Variants in ITPR1 observed in about 807,000 individuals in gnomAD.
The protein encoded by ITPR1 is inositol 1,4,5-trisphosphate receptor type 1, also known as inositol 1,4,5-trisphosphate-gated calcium channel ITPR1.
In ITPR1, 96 loss-of-function variants were observed where a neutral mutation model predicts 318.4. The ratio of observed to expected loss-of-function variants is 0.30; its 90% CI spans 0.26 to 0.36. The LOEUF (loss-of-function observed/expected upper bound fraction) is 0.36, where lower values mean the gene tolerates loss of function less well. ITPR1 is among the 10% of genes least tolerant of loss of function. The pLI is 1.00. For missense variants in ITPR1, 2,440 were observed against 3,460.2 expected, an observed-to-expected ratio of 0.71 and a Z score of 7.40; for synonymous variants, 1,312 against 1,289.9, an observed-to-expected ratio of 1.02 and a Z score of -0.37.
Position 4,693,574 on chromosome 3 carries a change from C to A in ITPR1, c.4114C>A (p.Arg1372=). 6.2e-7 allele frequency: 1 copy of A among 1,613,992 alleles called. No homozygotes were observed. Among genetic ancestry groups the A allele is most frequent in the Non-Finnish European group, 8.5e-7 (1 of 1,179,880 alleles). ...TCTGATCCAGATGATGCGGTCAGAA[C>A]GGGATCGGATGGATGAGAACAGCCC... ...QTLIQMMRSE[R]DRMDENSPLM... is the part of the protein sequence containing the mutation. The change falls in exon 33 of 62, where the codon CGG becomes AGG. Residue 1372 remains arginine, a synonymous_variant. Coordinates refer to ENST00000649015, the MANE Select transcript of ITPR1 (RefSeq NM_001378452.1).
chr3:4,638,944 T>C (rs1375517920), intron 5 of ITPR1, among the ~76,000 whole-genome samples: 1 of 152,114 alleles, frequency 6.6e-6, no homozygotes, highest in Non-Finnish European at 1.5e-5. Flanking sequence ...CTCACTGATA[T>C]TAAATAACAC....
rs1321637473 is a variant in ITPR1, at chr3:4,836,900, A to C, written c.8155A>C (p.Asn2719His). The C allele has an allele frequency of 1.3e-6, 2 of 1,597,572 alleles. No homozygotes were observed. The highest frequency in any genetic ancestry group is 2.2e-5 in the South Asian group (2 of 89,370). ...GGAGTCCACCATGAAACTTGTCACG[A>C]ACCTTTCTGGCCAGCTGTCGGAATT... Reference protein sequence around the residue: ...KLESTMKLVTNLSGQLSELKD... With the variant: ...KLESTMKLVTHLSGQLSELKD... The change falls in exon 61 of 62, where the codon AAC (asparagine) becomes CAC (histidine). Residue 2719 changes from asparagine to histidine, a missense_variant. Physicochemically the swap from Asn to His is moderately conservative, Grantham distance 68. This residue lies in a region of ITPR1 where 63 missense variants were observed against 63.4 expected (regional missense o/e 0.99). Transcript: ENST00000649015.
intron 44 of ITPR1, among the ~76,000 whole-genome samples, chr3:4,766,243 A>C (rs112026814): frequency 3.3e-5 from 5 of 152,204 alleles, no homozygotes; most frequent in African/African-American, 1.2e-4. Context: ...GTGGAAGGGA[A>C]TTGTTCTTAG....
chr3:4,753,287 T>C (rs61455902), intron 44 of ITPR1, among the ~76,000 whole-genome samples: 2,233 of 152,144 alleles, frequency 0.015, 58 homozygotes, highest in African/African-American at 0.051. Context: ...TTCCCGCCGA[T>C]CCCTAGTCGG....
intron 30 of ITPR1, among the ~76,000 whole-genome samples, chr3:4,686,218 T>C (rs903377796): frequency 1.3e-5 from 2 of 152,198 alleles, no homozygotes; most frequent in African/African-American, 4.8e-5. Context: ...ATCTGGGGCC[T>C]GCTGCCTTCC....
intron 53 of ITPR1, among the ~76,000 whole-genome samples, chr3:4,798,511 G>A (rs2048030676): frequency 6.6e-6 from 1 of 152,246 alleles, no homozygotes. Context: ...TGGGAAGGCA[G>A]TGTGATACAT....
At position 4,667,047 on chromosome 3, in the gene ITPR1, C is replaced by T. The variant is rs532101153; in HGVS notation, c.1714-330C>T. On this transcript the variant is annotated intron_variant, in intron 17 of 61. Coordinates refer to ENST00000649015, the MANE Select transcript of ITPR1 (RefSeq NM_001378452.1). ...GTTAAGTCCTCTTGAATTAGGAATA[C>T]GTTTAGAGCTGAAAACCAGCTTTGG... Among the ~76,000 whole-genome samples the T allele has an allele frequency of 3.2e-4, 49 of 152,294 alleles. No individual in the cohort carries two copies. The Middle Eastern group carries it at 0.017, about 53-fold the overall frequency.
At chr3:4,706,455 G>A (rs2094759399) in intron 37 of ITPR1, 104 bp downstream of exon 37, 23 of 996,896 alleles carry the variant, frequency 2.3e-5, no homozygotes, top group Non-Finnish European at 3.2e-5. Flanking sequence ...TGGGCCGTGG[G>A]AAGATGTCGG....
chr3:4,533,982 G>A (rs532079981), intron 4 of ITPR1, among the ~76,000 whole-genome samples: 1 of 152,202 alleles, frequency 6.6e-6, no homozygotes, highest in Admixed American at 6.5e-5. Flanking sequence ...TTTCCCAAAA[G>A]CTGCCCTTCC....
At chr3:4,823,828 A>G (rs1358682505) in intron 60 of ITPR1, among the ~76,000 whole-genome samples, 2 of 152,224 alleles carry the variant, frequency 1.3e-5, no homozygotes, top group Non-Finnish European at 2.9e-5. Flanking sequence ...CTGGATCACT[A>G]GGCACTATAT....
At chr3:4,617,370 A>G (rs1330795388) in intron 4 of ITPR1, among the ~76,000 whole-genome samples, 2 of 152,072 alleles carry the variant, frequency 1.3e-5, no homozygotes, top group African/African-American at 4.8e-5. Flanking sequence ...TGCTCTCAAG[A>G]TGGTATTTCA....
chr3:4,590,828 G>C (rs931198402), intron 4 of ITPR1, among the ~76,000 whole-genome samples: 1 of 152,066 alleles, frequency 6.6e-6, no homozygotes, highest in Non-Finnish European at 1.5e-5. Context: ...CATTACCCAG[G>C]TATTAAGCTC....
intron 4 of ITPR1, among the ~76,000 whole-genome samples, chr3:4,609,726 G>T (rs1435560497): frequency 2.0e-5 from 3 of 152,190 alleles, no homozygotes; most frequent in East Asian, 1.9e-4. Context: ...GGGGCTGGTT[G>T]GAAATGCTAG....
intron 4 of ITPR1, among the ~76,000 whole-genome samples, chr3:4,614,831 T>C (rs997047848): frequency 2.4e-4 from 37 of 152,150 alleles, no homozygotes; most frequent in Non-Finnish European, 2.2e-4. Flanking sequence ...GAAACCTGGG[T>C]TTCTGGATTC....
chr3:4,703,739 C>T (rs1341597497), intron 36 of ITPR1, among the ~76,000 whole-genome samples: 4 of 152,186 alleles, frequency 2.6e-5, no homozygotes, highest in Non-Finnish European at 4.4e-5. Context: ...TTGGGAGATA[C>T]GTATAATCTA....
chr3:4,493,886 CTTTTTTTT>C (rs71301158), intron 1 of ITPR1, among the ~76,000 whole-genome samples: 2 of 125,622 alleles, frequency 1.6e-5, no homozygotes, highest in African/African-American at 3.0e-5. Context: ...GGAAATAGTT[CTTTTTTTT>C]TTTTTTTTTT....
intron 6 of ITPR1, among the ~76,000 whole-genome samples, chr3:4,640,744 G>T (rs1305672110): frequency 2.0e-5 from 3 of 152,240 alleles, no homozygotes; most frequent in African/African-American, 7.2e-5. Context: ...CTTTAGGATG[G>T]TTGAGAGGTG....
intron 44 of ITPR1, among the ~76,000 whole-genome samples, chr3:4,757,050 A>G (rs2045053850): frequency 6.6e-6 from 1 of 152,218 alleles, no homozygotes; most frequent in Non-Finnish European, 1.5e-5. Context: ...TAGCTAAAGA[A>G]CCCAGGGCAC....
At position 4,656,480 on chromosome 3, in the gene ITPR1, A is replaced by C. The variant is rs530182328; in HGVS notation, c.997-1644A>C. The stretch of plus-strand genomic sequence containing the variant: ...GTAATTCTTCCTTTAGCGTAGATAG[A>C]ATAAAGGGTCTGGGGTTTGTGCAAG... On this transcript the variant is annotated intron_variant, in intron 12 of 61. Transcript: ENST00000649015. 5.3e-5 allele frequency among the ~76,000 whole-genome samples: 8 copies of C among 152,318 alleles called. No homozygotes were observed. The East Asian group carries it at 1.4e-3, about 26-fold the overall frequency.
Sources: gnomAD v4.1 joint callset for allele counts (sites outside exome capture counted in the v4.1 genomes callset) on GRCh38, gnomAD v4.1.1 for gene constraint, gnomAD v4.1.1 regional missense constraint, MANE v1.5 for transcripts, NCBI Gene and HGNC (gene_info 2026-07-23, HGNC 2026-07-21) for gene names.